The following NBEA variants were observed in gnomAD, a reference collection of about 807,000 sequenced individuals.
The protein encoded by NBEA is lysosomal-trafficking regulator 2.
NBEA carries 44 observed loss-of-function variants against 343.4 expected under a neutral mutation model. The observed-to-expected ratio is 0.13, with a 90% CI of 0.10 to 0.16. The LOEUF (loss-of-function observed/expected upper bound fraction) is 0.16. Among genes scored for constraint, NBEA ranks in the 10% least tolerant of loss-of-function variants. The probability of loss-of-function intolerance (pLI) is 1.00; values close to 1 mark genes in which losing one functional copy is unlikely to be tolerated. For missense variants in NBEA, 2,555 were observed against 3,631.3 expected, an observed-to-expected ratio of 0.70 and a Z score of 7.62; for synonymous variants, 1,175 against 1,238.7, an observed-to-expected ratio of 0.95 and a Z score of 1.08.
At chr13:35,567,798 C>A (rs1307137799) in intron 45 of NBEA, among the ~76,000 whole-genome samples, 1 of 152,142 alleles carries the variant, frequency 6.6e-6, no homozygotes, top group Non-Finnish European at 1.5e-5. Flanking sequence ...TTTTAGGGGG[C>A]AGGTTTAAGG....
chr13:35,208,490 G>A (rs1276993841), intron 31 of NBEA, among the ~76,000 whole-genome samples: 1 of 151,994 alleles, frequency 6.6e-6, no homozygotes, highest in Non-Finnish European at 1.5e-5. Context: ...AAAAATGTTG[G>A]CCAAATCAAT....
chr13:35,607,006 T>A (rs1431421133), intron 48 of NBEA, among the ~76,000 whole-genome samples: 4 of 152,226 alleles, frequency 2.6e-5, no homozygotes, highest in African/African-American at 9.6e-5. Context: ...ATTTATGCTG[T>A]GAAACATACC....
Position 35,058,708 on chromosome 13 carries a change from T to C in NBEA, c.1093-9T>C, listed in dbSNP as rs1330762052. On this transcript the variant is annotated splice_polypyrimidine_tract_variant and intron_variant, in intron 7 of 58. Transcript: ENST00000379939. ...ATAATGCATTTTTCTTTATTACTTTTAAAAATAGAGCTATGACAAGTGCTT... is the reference window on the plus strand; with the variant it reads ...ATAATGCATTTTTCTTTATTACTTTCAAAAATAGAGCTATGACAAGTGCTT... The C allele has an allele frequency of 6.4e-7, 1 of 1,563,416 alleles. No individual in the cohort carries two copies. The highest frequency in any genetic ancestry group is 1.2e-5 in the South Asian group (1 of 84,954).
At chr13:35,542,501 A>C (rs1406623775) in intron 41 of NBEA, among the ~76,000 whole-genome samples, 1 of 152,138 alleles carries the variant, frequency 6.6e-6, no homozygotes, top group Non-Finnish European at 1.5e-5. Context: ...TGACAATTTT[A>C]TTTTGATGAT....
intron 31 of NBEA, among the ~76,000 whole-genome samples, chr13:35,206,688 T>G (rs973117534): frequency 3.3e-5 from 5 of 152,092 alleles, no homozygotes; most frequent in Non-Finnish European, 2.9e-5. Flanking sequence ...ATAATACACT[T>G]CATAATTGAC....
chr13:35,445,800 A>G (rs977963270), intron 39 of NBEA, among the ~76,000 whole-genome samples: 4 of 84,420 alleles, frequency 4.7e-5, no homozygotes, highest in East Asian at 1.1e-3. Context: ...ATATATATAT[A>G]TATATATATA....
chr13:35,397,520 T>G (rs796746775), intron 38 of NBEA, among the ~76,000 whole-genome samples: 21 of 152,226 alleles, frequency 1.4e-4, no homozygotes, highest in African/African-American at 4.8e-4. Flanking sequence ...GGCAGAGACT[T>G]TTTTTTACTC....
chr13:35,311,190 T>C (rs2037338539), intron 36 of NBEA, among the ~76,000 whole-genome samples: 1 of 152,150 alleles, frequency 6.6e-6, no homozygotes, highest in South Asian at 2.1e-4. Context: ...TACTAACAAT[T>C]ATTATCCGTT....
chr13:35,430,779 C>T (rs1367609958), intron 38 of NBEA, among the ~76,000 whole-genome samples: 2 of 152,060 alleles, frequency 1.3e-5, no homozygotes, highest in Non-Finnish European at 2.9e-5. Context: ...GCATGGTCTT[C>T]CTTAAATTAC....
chr13:35,096,765 T>C (rs183455903), intron 10 of NBEA, among the ~76,000 whole-genome samples: 19 of 152,070 alleles, frequency 1.2e-4, no homozygotes, highest in East Asian at 5.8e-4. Context: ...TGTAATATAG[T>C]ACTTAGCAAT....
At chr13:35,407,928 C>T (rs979187230) in intron 38 of NBEA, among the ~76,000 whole-genome samples, 2 of 152,144 alleles carry the variant, frequency 1.3e-5, no homozygotes, top group African/African-American at 4.8e-5. Flanking sequence ...TTAAAATGGC[C>T]ATACTGACCA....
chr13:35,000,806 A>G (rs1400365147), intron 1 of NBEA, among the ~76,000 whole-genome samples: 4 of 152,078 alleles, frequency 2.6e-5, no homozygotes, highest in Admixed American at 6.6e-5. Flanking sequence ...TTAAAAACCT[A>G]AAGAAGTTTA....
At chr13:35,116,862 T>C (rs2066518737) in intron 13 of NBEA, among the ~76,000 whole-genome samples, 1 of 152,092 alleles carries the variant, frequency 6.6e-6, no homozygotes, top group South Asian at 2.1e-4. Context: ...CACATTTTAA[T>C]ATTTTATACT....
chr13:35,045,262 C>A, intron 3 of NBEA, 44 bp from the exon 4 acceptor site: 1 of 1,505,494 alleles, frequency 6.6e-7, no homozygotes, highest in East Asian at 2.3e-5. Flanking sequence ...AGTATGATTG[C>A]TAAATTTGTA....
At chr13:35,338,647 A>G (rs866968257) in intron 36 of NBEA, among the ~76,000 whole-genome samples, 1 of 152,052 alleles carries the variant, frequency 6.6e-6, no homozygotes, top group Non-Finnish European at 1.5e-5. Flanking sequence ...CCAAACCCAG[A>G]TAAAGTCGTT....
At chr13:35,417,026 A>T (rs1373086316) in intron 38 of NBEA, among the ~76,000 whole-genome samples, 1 of 152,126 alleles carries the variant, frequency 6.6e-6, no homozygotes, top group East Asian at 1.9e-4. Context: ...ATTTGTGTAG[A>T]GGTGTTTACA....
chr13:35,320,670 G>A lies in NBEA; in HGVS notation c.5903+11078G>A, dbSNP rs554943836. Among the ~76,000 whole-genome samples the A allele has an allele frequency of 3.3e-5, 5 of 152,238 alleles. No homozygotes were observed. The East Asian group carries it at 9.7e-4, about 29-fold the overall frequency. ...TTGCTAGGTTGGGGAAGTTCTCCTG[G>A]ATAATATCCTGAAGAGTGTTTTCTA... On this transcript the variant is annotated intron_variant, in intron 36 of 58. Coordinates refer to ENST00000379939, the MANE Select transcript of NBEA (RefSeq NM_001385012.1).
At chr13:34,999,042 A>G (rs556352447) in intron 1 of NBEA, among the ~76,000 whole-genome samples, 24 of 152,296 alleles carry the variant, frequency 1.6e-4, no homozygotes. Context: ...CCATGGCTTC[A>G]GCTGGTCCCT....
intron 39 of NBEA, among the ~76,000 whole-genome samples, chr13:35,444,736 A>G (rs2045908143): frequency 6.6e-6 from 1 of 152,088 alleles, no homozygotes; most frequent in African/African-American, 2.4e-5. Flanking sequence ...TCTTCTTGAG[A>G]AAGCAGTTCT....
Sources: allele counts gnomAD v4.1 joint callset (sites outside exome capture counted in the v4.1 genomes callset), GRCh38; gene constraint gnomAD v4.1.1; transcripts MANE v1.5; gene names NCBI Gene and HGNC (gene_info 2026-07-23, HGNC 2026-07-21).